The following TBC1D19 variants were observed in gnomAD, a reference collection of about 807,000 sequenced individuals.
The protein encoded by TBC1D19 is TBC1 domain family, member 19.
In TBC1D19, 60 loss-of-function variants were observed where a neutral mutation model predicts 89.0. That is an observed-to-expected ratio of 0.67 (90% CI 0.55 to 0.84). TBC1D19 has a LOEUF of 0.84. TBC1D19 is among the 40% of genes least tolerant of loss of function. TBC1D19 has a pLI of 0.00. For missense variants in TBC1D19, 500 were observed against 610.8 expected, an observed-to-expected ratio of 0.82 and a Z score of 1.91; for synonymous variants, 189 against 199.7, an observed-to-expected ratio of 0.95 and a Z score of 0.45.
the TBC1D19 span, among the ~76,000 whole-genome samples, chr4:26,823,306 G>C: frequency 6.6e-6 from 1 of 152,128 alleles, no homozygotes; most frequent in Admixed American, 6.5e-5. Flanking sequence ...CCCACAACAC[G>C]TGGGCATTCA....
intron 11 of TBC1D19, among the ~76,000 whole-genome samples, chr4:26,674,584 T>C (rs755474459): frequency 3.9e-5 from 6 of 152,202 alleles, no homozygotes; most frequent in Non-Finnish European, 7.4e-5. Flanking sequence ...GGTTTTGGAA[T>C]CATACAGACC....
chr4:26,830,918 T>C, the TBC1D19 span, among the ~76,000 whole-genome samples: 2 of 152,196 alleles, frequency 1.3e-5, no homozygotes, highest in African/African-American at 4.8e-5. Flanking sequence ...GTGAAGTGTA[T>C]ATGCCCATTT....
intron 1 of TBC1D19, among the ~76,000 whole-genome samples, chr4:26,585,951 T>C (rs999965762): frequency 6.6e-6 from 1 of 152,158 alleles, no homozygotes; most frequent in Admixed American, 6.5e-5. Flanking sequence ...TTAATTTTGG[T>C]GACATAAATT....
intron 3 of TBC1D19, among the ~76,000 whole-genome samples, 153 bp downstream of exon 3, chr4:26,614,606 A>T (rs1741565458): frequency 6.6e-6 from 1 of 152,208 alleles, no homozygotes; most frequent in Non-Finnish European, 1.5e-5. Context: ...ATTAAAAATT[A>T]CTACCGTCTT....
rs144099499 is a variant in TBC1D19 at position 26,655,909 on chromosome 4, G to T, written c.481-3688G>T. On this transcript the variant is annotated intron_variant, in intron 7 of 20. Coordinates refer to ENST00000264866, the MANE Select transcript of TBC1D19 (RefSeq NM_018317.4). ...CCCACTTTCCGACAATCCCCAGTGA[G>T]ATGAACCTGGCACCTCAGTTGGAAA... is the stretch of plus-strand genomic sequence containing the variant. 3.3e-3 allele frequency among the ~76,000 whole-genome samples: 505 copies of T among 152,304 alleles called. 10 individuals carry two copies. The highest frequency in any genetic ancestry group is 1.0e-3 in the Non-Finnish European group (71 of 68,032).
At chr4:26,735,808 C>T (rs1425512302) in intron 16 of TBC1D19, among the ~76,000 whole-genome samples, 2 of 152,116 alleles carry the variant, frequency 1.3e-5, no homozygotes, top group African/African-American at 2.4e-5. Flanking sequence ...TGGGAGGCTG[C>T]TGGCCATCAG....
intron 8 of TBC1D19, 92 bp downstream of exon 8, chr4:26,659,799 T>G (rs1324707917): frequency 3.0e-6 from 2 of 657,844 alleles, no homozygotes; most frequent in Non-Finnish European, 4.8e-6. Flanking sequence ...AATAGGGTAA[T>G]CTACTCATTA....
chr4:26,838,388 T>G, the TBC1D19 span, among the ~76,000 whole-genome samples: 2 of 152,208 alleles, frequency 1.3e-5, no homozygotes, highest in Non-Finnish European at 2.9e-5. Flanking sequence ...CAGCTCAAAG[T>G]TTTTTATTAA....
At chr4:26,634,606 T>G (rs757570533) in intron 4 of TBC1D19, among the ~76,000 whole-genome samples, 16 of 152,174 alleles carry the variant, frequency 1.1e-4, no homozygotes, top group Non-Finnish European at 2.1e-4. Flanking sequence ...TTGTTCATAT[T>G]TCTCTCAACT....
Position 26,755,083 on chromosome 4 carries a change from TAAGTA to T in TBC1D19, c.*137_*141del. ...ATCATGTTCCCTCTTCAGTTAAACC[TAAGTA>T]GTTTCTCACTTTTTGAAACAATAAC... On this transcript the variant is annotated 3_prime_UTR_variant, in exon 21 of 21. Coordinates refer to ENST00000264866, the MANE Select transcript of TBC1D19 (RefSeq NM_018317.4). 1.5e-6 allele frequency: 1 copy of T among 668,020 alleles called. No homozygotes were observed. Among genetic ancestry groups the T allele is most frequent in the South Asian group, 2.7e-5 (1 of 36,682 alleles). The allele number at this position is 668,020 out of a possible 1,614,324, so 41.4% of individuals were successfully genotyped here.
At chr4:26,654,874 C>T (rs1486556848) in intron 7 of TBC1D19, among the ~76,000 whole-genome samples, 2 of 152,296 alleles carry the variant, frequency 1.3e-5, no homozygotes, top group South Asian at 2.1e-4. Flanking sequence ...TCTCTCAATT[C>T]ATCAAATTCA....
the TBC1D19 span, among the ~76,000 whole-genome samples, chr4:26,834,218 C>T: frequency 1.2e-4 from 19 of 152,148 alleles, no homozygotes; most frequent in Non-Finnish European, 2.8e-4. Flanking sequence ...GAACCATGAG[C>T]CAATTAAACC....
intron 1 of TBC1D19, among the ~76,000 whole-genome samples, chr4:26,608,830 A>G (rs1365451774): frequency 1.3e-5 from 2 of 150,344 alleles, no homozygotes; most frequent in African/African-American, 4.9e-5. Flanking sequence ...TTTGGGGGGG[A>G]GGAAATTGGG....
the TBC1D19 span, among the ~76,000 whole-genome samples, chr4:26,850,157 T>G: frequency 6.6e-6 from 1 of 152,030 alleles, no homozygotes; most frequent in Non-Finnish European, 1.5e-5. Flanking sequence ...TGTGACTATA[T>G]TTGGAGATAG....
At chr4:26,714,306 A>C (rs1270437686) in intron 13 of TBC1D19, among the ~76,000 whole-genome samples, 2 of 152,062 alleles carry the variant, frequency 1.3e-5, no homozygotes, top group East Asian at 3.9e-4. Context: ...ACATGTGCAC[A>C]ACGTGCAGGT....
chr4:26,672,845 CT>C (rs1185984701), intron 10 of TBC1D19, among the ~76,000 whole-genome samples: 10 of 151,896 alleles, frequency 6.6e-5, no homozygotes, highest in Admixed American at 6.6e-4. Context: ...TGATTTGACA[CT>C]TTTATTAAGA....
intron 17 of TBC1D19, 66 bp from the exon 18 acceptor site, chr4:26,742,442 T>A: frequency 7.6e-7 from 1 of 1,309,714 alleles, no homozygotes; most frequent in African/African-American, 1.5e-5. Context: ...TTGAATAATT[T>A]GTTGGCATAG....
intron 8 of TBC1D19, chr4:26,663,219 A>T (rs971776028): frequency 9.2e-5 from 14 of 152,240 alleles, no homozygotes; most frequent in African/African-American, 3.4e-4. Context: ...CAGTTTAATT[A>T]TAAACAGTGT....
At chr4:26,631,724 A>T (rs996795213) in intron 4 of TBC1D19, among the ~76,000 whole-genome samples, 1 of 152,046 alleles carries the variant, frequency 6.6e-6, no homozygotes, top group African/African-American at 2.4e-5. Context: ...TTGTGCTTTC[A>T]TGTGTTACTT....
Sources: gnomAD v4.1 joint callset for allele counts (sites outside exome capture counted in the v4.1 genomes callset) on GRCh38, gnomAD v4.1.1 for gene constraint, MANE v1.5 for transcripts, NCBI Gene and HGNC (gene_info 2026-07-23, HGNC 2026-07-21) for gene names.